The following SSBP2 variants were observed in gnomAD, a reference collection of about 807,000 sequenced individuals.
The protein encoded by SSBP2 is single stranded DNA binding protein 2, also known as single-stranded DNA-binding protein 2.
In SSBP2, 17 loss-of-function variants were observed where a neutral mutation model predicts 61.8. The observed-to-expected ratio is 0.28, with a 90% CI of 0.19 to 0.41. The LOEUF is 0.41. SSBP2 is among the 10% of genes least tolerant of loss of function. SSBP2 has a pLI of 1.00. For synonymous variants in SSBP2, 139 were observed against 141.3 expected (o/e 0.98, Z 0.12); for missense variants, 310 against 458.7 (o/e 0.68, Z 2.96).
At chr5:81,606,966 CTA>C (rs1254273588) in intron 4 of SSBP2, among the ~76,000 whole-genome samples, 1 of 152,134 alleles carries the variant, frequency 6.6e-6, no homozygotes, top group Non-Finnish European at 1.5e-5. Flanking sequence ...TGTATTACAG[CTA>C]TGATAAGATT....
At chr5:81,532,977 G>A (rs965685834) in intron 4 of SSBP2, among the ~76,000 whole-genome samples, 1 of 151,886 alleles carries the variant, frequency 6.6e-6, no homozygotes, top group Non-Finnish European at 1.5e-5. Context: ...ACAACCGATA[G>A]TAGACAGAAA....
chr5:81,716,033 G>T (rs1483700795), intron 1 of SSBP2, among the ~76,000 whole-genome samples: 26 of 151,834 alleles, frequency 1.7e-4, no homozygotes, highest in African/African-American at 5.8e-4. Flanking sequence ...CTTCAGCCTG[G>T]GTGACAGAGT....
intron 1 of SSBP2, among the ~76,000 whole-genome samples, chr5:81,729,689 G>A (rs1013164469): frequency 2.0e-5 from 3 of 152,070 alleles, no homozygotes; most frequent in Non-Finnish European, 2.9e-5. Context: ...TAAAAGCACT[G>A]AGAAATCTAG....
intron 16 of SSBP2, among the ~76,000 whole-genome samples, chr5:81,423,737 T>C (rs1442439310): frequency 6.6e-6 from 1 of 150,806 alleles, no homozygotes; most frequent in Non-Finnish European, 1.5e-5. Context: ...AGAGCAAGAC[T>C]CCGTCTCAAA....
intron 1 of SSBP2, among the ~76,000 whole-genome samples, chr5:81,682,069 T>G (rs1561686891): frequency 6.6e-6 from 1 of 152,136 alleles, no homozygotes; most frequent in Non-Finnish European, 1.5e-5. Flanking sequence ...AATCAATAAT[T>G]AATAATGTTC....
At position 81,419,282 on chromosome 5, in the gene SSBP2, A is replaced by C. The variant is rs1290969807; in HGVS notation, c.*1222T>G. 2 of 152,238 alleles carry C rather than the reference A, an allele frequency of 1.3e-5. No homozygotes were observed. The highest frequency in any genetic ancestry group is 4.8e-5 in the African/African-American group (2 of 41,468). The allele number at this position is 152,238 out of a possible 1,614,324, so 9.4% of individuals were successfully genotyped here. A position where few individuals can be genotyped will look rare whatever the true frequency, so the allele number is the denominator to read the frequency against. On this transcript the variant is annotated 3_prime_UTR_variant, in exon 17 of 17. Transcript: ENST00000320672. Reference sequence around the variant, plus strand: ...CTCCTGAATAAAAGCCTTATATTCCAGGAACAGAGCAGAGGCTCCCTGGCC... The same window carrying C: ...CTCCTGAATAAAAGCCTTATATTCCCGGAACAGAGCAGAGGCTCCCTGGCC...
intron 4 of SSBP2, among the ~76,000 whole-genome samples, chr5:81,535,243 G>A (rs1175116062): frequency 6.6e-6 from 1 of 151,912 alleles, no homozygotes; most frequent in Non-Finnish European, 1.5e-5. Flanking sequence ...TTTACATGAG[G>A]AAAGCTACAA....
chr5:81,668,148 G>A (rs1581297020), intron 1 of SSBP2, among the ~76,000 whole-genome samples: 1 of 147,056 alleles, frequency 6.8e-6, no homozygotes, highest in East Asian at 2.0e-4. Flanking sequence ...TACAATTACT[G>A]TTGATAGAAA....
intron 4 of SSBP2, among the ~76,000 whole-genome samples, chr5:81,609,557 G>C (rs1483033642): frequency 6.6e-6 from 1 of 152,088 alleles, no homozygotes; most frequent in Non-Finnish European, 1.5e-5. Flanking sequence ...CAAGTAATTT[G>C]TACATAAATA....
At chr5:81,487,807 ACCTT>A (rs1766493041) in intron 6 of SSBP2, among the ~76,000 whole-genome samples, 1 of 150,608 alleles carries the variant, frequency 6.6e-6, no homozygotes, top group Non-Finnish European at 1.5e-5. Flanking sequence ...TTTGATCAAC[ACCTT>A]CCTATTTCCC....
At chr5:81,599,137 G>A (rs1285726205) in intron 4 of SSBP2, among the ~76,000 whole-genome samples, 2 of 152,156 alleles carry the variant, frequency 1.3e-5, no homozygotes, top group Non-Finnish European at 2.9e-5. Context: ...CCTGATAAGT[G>A]AAACTGAGTC....
intron 10 of SSBP2, among the ~76,000 whole-genome samples, chr5:81,455,991 T>A (rs1764117045): frequency 6.6e-6 from 1 of 152,210 alleles, no homozygotes; most frequent in South Asian, 2.1e-4. Flanking sequence ...GATAAGTGCC[T>A]TTCTTCAACT....
At chr5:81,677,865 C>T (rs1287143135) in intron 1 of SSBP2, among the ~76,000 whole-genome samples, 1 of 150,656 alleles carries the variant, frequency 6.6e-6, no homozygotes, top group Admixed American at 6.6e-5. Context: ...GAAGCTCAGT[C>T]CAGGGGCACC....
chr5:81,749,740 C>T (rs1757596353), intron 1 of SSBP2, among the ~76,000 whole-genome samples: 1 of 152,192 alleles, frequency 6.6e-6, no homozygotes, highest in African/African-American at 2.4e-5. Context: ...ACAACCAAAT[C>T]ACCGTTACAA....
chr5:81,562,027 C>G (rs1381949849), intron 4 of SSBP2, among the ~76,000 whole-genome samples: 2 of 152,090 alleles, frequency 1.3e-5, no homozygotes, highest in Non-Finnish European at 2.9e-5. Flanking sequence ...GTCTCAGCCT[C>G]CCAAGTAGCT....
chr5:81,559,893 T>G (rs1395460793), intron 4 of SSBP2, among the ~76,000 whole-genome samples: 1 of 152,148 alleles, frequency 6.6e-6, no homozygotes, highest in Non-Finnish European at 1.5e-5. Flanking sequence ...AAGTCTAGTT[T>G]TATTTGTCCA....
chr5:81,668,248 T>TA (rs11332987), intron 1 of SSBP2, among the ~76,000 whole-genome samples: 26,345 of 94,908 alleles, frequency 0.28, 4,329 homozygotes, highest in Middle Eastern at 0.45. Flanking sequence ...TATGGAAGTT[T>TA]AAAAAAAAAA....
intron 5 of SSBP2, among the ~76,000 whole-genome samples, chr5:81,497,875 A>T (rs935240220): frequency 6.6e-6 from 1 of 152,124 alleles, no homozygotes; most frequent in African/African-American, 2.4e-5. Flanking sequence ...GCACAAAAGG[A>T]TATCAGGTTA....
intron 2 of SSBP2, among the ~76,000 whole-genome samples, chr5:81,648,258 C>A (rs1640409857): frequency 6.6e-6 from 1 of 152,008 alleles, no homozygotes; most frequent in Non-Finnish European, 1.5e-5. Flanking sequence ...AAGGTCATTG[C>A]CCTAAGTCTT....
Sources: gnomAD v4.1 joint callset for allele counts (sites outside exome capture counted in the v4.1 genomes callset) on GRCh38, gnomAD v4.1.1 for gene constraint, MANE v1.5 for transcripts, NCBI Gene and HGNC (gene_info 2026-07-23, HGNC 2026-07-21) for gene names.